EBPL: variants seen among roughly 807,000 people sequenced by gnomAD.
The protein encoded by EBPL is emopamil-binding protein-like.
EBPL carries 20 observed loss-of-function variants against 19.0 expected under a neutral mutation model. That is an observed-to-expected ratio of 1.05 (90% confidence interval 0.74 to 1.53). The LOEUF is 1.53. Among genes scored for constraint, EBPL ranks in the 40% most tolerant of loss-of-function variants. The probability of loss-of-function intolerance (pLI) is 0.00; values close to 1 mark genes in which losing one functional copy is unlikely to be tolerated. For synonymous variants in EBPL, 107 were observed against 117.0 expected (o/e 0.91, Z 0.55); for missense variants, 219 against 261.1 (o/e 0.84, Z 1.11).
At chr13:49,677,007 G>A (rs777786837) in intron 1 of EBPL, among the ~76,000 whole-genome samples, 6 of 152,054 alleles carry the variant, frequency 3.9e-5, no homozygotes, top group Non-Finnish European at 2.9e-5. Context: ...AAATGCTCTC[G>A]TTTGATTTAA....
Position 49,691,460 on chromosome 13 carries a change from G to T in EBPL, c.-36C>A. On this transcript the variant is annotated 5_prime_UTR_variant, in exon 1 of 4. Transcript: ENST00000242827. ...TCCGACGCCAACGGCCCAGGACCAT[G>T]CGGCAGAGGAAAGCAGGGAGAGAAA... 1.5e-6 allele frequency: 2 copies of T among 1,300,912 alleles called. No homozygotes were observed. Among genetic ancestry groups the T allele is most frequent in the Non-Finnish European group, 2.0e-6 (2 of 1,023,320 alleles). The allele number at this position is 1,300,912 out of a possible 1,614,324, so 80.6% of individuals were successfully genotyped here. A position where few individuals can be genotyped will look rare whatever the true frequency, so the allele number is the denominator to read the frequency against.
In EBPL at chr13:49,691,431, G is replaced by C. The variant is rs557998507; in HGVS notation, c.-7C>G. 7.5e-7 allele frequency: 1 copy of C among 1,335,324 alleles called. No individual in the cohort carries two copies. Among genetic ancestry groups the C allele is most frequent in the Non-Finnish European group, 9.6e-7 (1 of 1,044,860 alleles). 82.7% of individuals were successfully genotyped at this position (1,335,324 alleles called of 1,614,324 possible). A position where few individuals can be genotyped will look rare whatever the true frequency, so the allele number is the denominator to read the frequency against. On this transcript the variant is annotated 5_prime_UTR_variant, in exon 1 of 4. Coordinates refer to ENST00000242827, the MANE Select transcript of EBPL (RefSeq NM_032565.5). The stretch of plus-strand genomic sequence containing the variant: ...GCTCCCACTCAGCGCCCATGCTTCA[G>C]GCTTCCGACGCCAACGGCCCAGGAC...
chr13:49,668,281 T>C (rs1410199333), intron 2 of EBPL: 2 of 173,696 alleles, frequency 1.2e-5, no homozygotes, highest in East Asian at 3.7e-4. Flanking sequence ...CACAAAGAAA[T>C]GAGATATATG....
At chr13:49,688,980 G>A (rs775721021) in intron 1 of EBPL, among the ~76,000 whole-genome samples, 5 of 152,190 alleles carry the variant, frequency 3.3e-5, no homozygotes, top group Non-Finnish European at 1.5e-5. Context: ...TAGATGCATT[G>A]TTTGTAATGA....
chr13:49,671,495 G>T (rs1320502729), intron 1 of EBPL, among the ~76,000 whole-genome samples: 1 of 152,118 alleles, frequency 6.6e-6, no homozygotes, highest in African/African-American at 2.4e-5. Context: ...AAATAGCTGT[G>T]TTTTTAACAA....
chr13:49,666,089 A>C (rs148443161), intron 2 of EBPL, among the ~76,000 whole-genome samples: 91 of 152,314 alleles, frequency 6.0e-4, no homozygotes, highest in African/African-American at 2.1e-3. Context: ...ATGCAGGGCC[A>C]CATAGGGGTT....
At chr13:49,668,583 GA>G (rs375329437) in intron 2 of EBPL, 4 of 415,216 alleles carry the variant, frequency 9.6e-6, no homozygotes, top group Admixed American at 5.8e-5. Flanking sequence ...AAAAAAAAAA[GA>G]AAAAAAAGAA....
At chr13:49,687,221 G>C (rs146839159) in intron 1 of EBPL, among the ~76,000 whole-genome samples, 1 of 152,148 alleles carries the variant, frequency 6.6e-6, no homozygotes, top group Admixed American at 6.6e-5. Context: ...CCAAGATCAT[G>C]TCCACCCCCA....
intron 1 of EBPL, among the ~76,000 whole-genome samples, chr13:49,674,570 A>G (rs1268978211): frequency 1.3e-5 from 2 of 148,958 alleles, no homozygotes; most frequent in African/African-American, 2.5e-5. Flanking sequence ...AAAGAGTACC[A>G]TGACTAAATG....
Position 49,669,807 on chromosome 13 carries a change from C to T in EBPL, c.211G>A (p.Ala71Thr), listed in dbSNP as rs750710607. 2.5e-6 allele frequency: 4 copies of T among 1,614,106 alleles called. No individual in the cohort carries two copies. The highest frequency in any genetic ancestry group is 3.4e-6 in the Non-Finnish European group (4 of 1,179,982). Residue 71 changes from alanine to threonine, a missense_variant, in exon 2 of 4, where the codon GCA becomes ACA. By Grantham distance (58) the Ala-to-Thr change is moderately conservative. Transcript: ENST00000242827. ...FVYLSLVGNVANSDGLIASLW... is the reference protein window; with the variant it reads ...FVYLSLVGNVTNSDGLIASLW... ...GAAGCAATCAAGCCATCGGAATTTG[C>T]AACGTTTCCTACTAAAGACAAGTAG... is the stretch of plus-strand genomic sequence containing the variant.
intron 2 of EBPL, among the ~76,000 whole-genome samples, chr13:49,666,374 T>A (rs769627661): frequency 6.6e-6 from 1 of 152,104 alleles, no homozygotes; most frequent in Non-Finnish European, 1.5e-5. Flanking sequence ...AGTTTGGCCA[T>A]CTGAGGCCCC....
intron 1 of EBPL, among the ~76,000 whole-genome samples, chr13:49,676,800 C>T (rs2137499787): frequency 6.6e-6 from 1 of 152,222 alleles, no homozygotes; most frequent in Non-Finnish European, 1.5e-5. Context: ...ACACCAAATA[C>T]ACATACAGTG....
At chr13:49,678,927 G>A (rs931744698) in intron 1 of EBPL, among the ~76,000 whole-genome samples, 4 of 150,024 alleles carry the variant, frequency 2.7e-5, no homozygotes, top group Admixed American at 1.3e-4. Context: ...CACAAGAATC[G>A]CCTGAACCTG....
rs375724269 is a variant in EBPL at position 49,669,243 on chromosome 13, C to T, written c.241+534G>A. On this transcript the variant is annotated intron_variant, in intron 2 of 3. Transcript: ENST00000242827. ...AGAGATGGACTCTTGCTCTGTCGCCCGGGCTGGAGTGCAGTGGTGCAACTG... is the reference window on the plus strand; with the variant it reads ...AGAGATGGACTCTTGCTCTGTCGCCTGGGCTGGAGTGCAGTGGTGCAACTG... 1.1e-4 allele frequency among the ~76,000 whole-genome samples: 16 copies of T among 152,036 alleles called. No individual in the cohort carries two copies. The East Asian group carries it at 2.9e-3, about 28-fold the overall frequency.
intron 1 of EBPL, among the ~76,000 whole-genome samples, chr13:49,681,117 T>C (rs140805707): frequency 2.5e-4 from 38 of 152,324 alleles, no homozygotes; most frequent in African/African-American, 9.1e-4. Flanking sequence ...TTAAGTTCTG[T>C]ATATCAAAAA....
At chr13:49,677,148 T>C (rs1019349414) in intron 1 of EBPL, among the ~76,000 whole-genome samples, 1 of 152,118 alleles carries the variant, frequency 6.6e-6, no homozygotes, top group African/African-American at 2.4e-5. Flanking sequence ...GTGTTTTATG[T>C]AAAAAGGAAG....
In EBPL at chr13:49,660,705, C is replaced by A; in HGVS notation, c.*263G>T. On this transcript the variant is annotated 3_prime_UTR_variant, in exon 4 of 4. Transcript: ENST00000242827. Reference sequence around the variant, plus strand: ...GATAATTGGTTTTACTAATGTGGAACAATTAATGCCAGCCATAAAATGTAT... The same window carrying A: ...GATAATTGGTTTTACTAATGTGGAAAAATTAATGCCAGCCATAAAATGTAT... 1 of 344,964 alleles carries A rather than the reference C, an allele frequency of 2.9e-6. No individual in the cohort carries two copies. Among genetic ancestry groups the A allele is most frequent in the South Asian group, 5.8e-5 (1 of 17,104 alleles). The allele number at this position is 344,964 out of a possible 1,614,324, so 21.4% of individuals were successfully genotyped here. A position where few individuals can be genotyped will look rare whatever the true frequency, so the allele number is the denominator to read the frequency against.
At chr13:49,670,795 C>G (rs1300757495) in intron 1 of EBPL, among the ~76,000 whole-genome samples, 1 of 152,214 alleles carries the variant, frequency 6.6e-6, no homozygotes, top group East Asian at 1.9e-4. Context: ...CCTCAGCTCA[C>G]TCACTCATCA....
At chr13:49,677,634 C>G (rs777081019) in intron 1 of EBPL, among the ~76,000 whole-genome samples, 1 of 152,152 alleles carries the variant, frequency 6.6e-6, no homozygotes, top group Non-Finnish European at 1.5e-5. Context: ...AAGGGCTGGA[C>G]GTGATGGCTC....
Sources: allele counts gnomAD v4.1 joint callset (sites outside exome capture counted in the v4.1 genomes callset), GRCh38; gene constraint gnomAD v4.1.1; transcripts MANE v1.5; gene names NCBI Gene and HGNC (gene_info 2026-07-23, HGNC 2026-07-21).